Variants in DOK7 observed in about 807,000 individuals in gnomAD.
The protein encoded by DOK7 is docking protein 7.
Under a neutral mutation model 30.7 loss-of-function variants are expected in DOK7, and 32 were observed. The observed-to-expected ratio is 1.04, with a 90% CI of 0.79 to 1.40. The LOEUF is 1.40. DOK7 is among the 40% of genes most tolerant of loss of function. The probability of loss-of-function intolerance (pLI) is 0.00; values close to 1 mark genes in which losing one functional copy is unlikely to be tolerated. For missense variants in DOK7, 1,007 were observed against 699.2 expected, an observed-to-expected ratio of 1.44 and a Z score of -4.97; for synonymous variants, 447 against 324.1, an observed-to-expected ratio of 1.38 and a Z score of -4.07.
At chr4:3,481,011 G>C (rs1216144275) in intron 4 of DOK7, among the ~76,000 whole-genome samples, 1 of 152,148 alleles carries the variant, frequency 6.6e-6, no homozygotes, top group African/African-American at 2.4e-5. Flanking sequence ...GAGGGTAAGG[G>C]GTGGAGGGGG....
In DOK7 at chr4:3,489,575, C is replaced by A. The variant is rs1044858245; in HGVS notation, c.653-102C>A. 8 of 1,539,188 alleles carry A rather than the reference C, an allele frequency of 5.2e-6. No homozygotes were observed. In the African/African-American group the frequency reaches 6.9e-5, roughly 13 times the overall value. ...CGGGGACTCCCAGGGGACTGCCACTCCACAGAGGGGGATAACCACTGAGTC... is the reference window on the plus strand; with the variant it reads ...CGGGGACTCCCAGGGGACTGCCACTACACAGAGGGGGATAACCACTGAGTC... On this transcript the variant is annotated intron_variant, in intron 5 of 6. Transcript: ENST00000340083.
At position 3,473,650 on chromosome 4, in the gene DOK7, G is replaced by A. The variant is rs1344096667; in HGVS notation, c.331+14G>A. On this transcript the variant is annotated intron_variant, in intron 3 of 6. Coordinates refer to ENST00000340083, the MANE Select transcript of DOK7 (RefSeq NM_173660.5). Reference sequence around the variant, plus strand: ...CGCTCGGCGAGGGTGAGTGACGGGGGCCGGGGCCGGGCGGGGGCTCCCCGT... The same window carrying A: ...CGCTCGGCGAGGGTGAGTGACGGGGACCGGGGCCGGGCGGGGGCTCCCCGT... The A allele has an allele frequency of 2.6e-6, 4 of 1,535,866 alleles. No individual in the cohort carries two copies. Among genetic ancestry groups the A allele is most frequent in the Non-Finnish European group, 3.5e-6 (4 of 1,134,974 alleles).
At position 3,493,552 on chromosome 4, in the gene DOK7, A is replaced by C; in HGVS notation, c.*51A>C. 1.3e-6 allele frequency: 2 copies of C among 1,592,014 alleles called. No homozygotes were observed. The highest frequency in any genetic ancestry group is 1.8e-4 in the Middle Eastern group (1 of 5,694). ...GCAAAGGGGCTGAATTTGCCCCCAG[A>C]TGGCAGAGGAAGTGGCGCCAGCCTC... On this transcript the variant is annotated 3_prime_UTR_variant, in exon 7 of 7. Coordinates refer to ENST00000340083, the MANE Select transcript of DOK7 (RefSeq NM_173660.5).
At chr4:3,486,570 G>A (rs960615288) in intron 5 of DOK7, among the ~76,000 whole-genome samples, 1 of 152,206 alleles carries the variant, frequency 6.6e-6, no homozygotes, top group Non-Finnish European at 1.5e-5. Flanking sequence ...GCCCACACCA[G>A]CAAAGTCCCG....
chr4:3,482,786 C>T (rs1282629268), intron 4 of DOK7, among the ~76,000 whole-genome samples: 1 of 152,222 alleles, frequency 6.6e-6, no homozygotes, highest in African/African-American at 2.4e-5. Context: ...TATGTCTTTC[C>T]ACCCAAGGCC....
chr4:3,493,165 C>T lies in DOK7; in HGVS notation c.1179C>T (p.Val393=), dbSNP rs138797230. 112 of 1,607,232 alleles carry T rather than the reference C, an allele frequency of 7.0e-5. No homozygotes were observed. The highest frequency in any genetic ancestry group is 8.4e-5 in the Admixed American group (5 of 59,454). The stretch of plus-strand genomic sequence containing the variant: ...TGTGCACCTGCCTGCCCGGGACAGT[C>T]GAGTACCAGGTGCCCACCTCCCTGC... The part of the protein sequence containing the change: ...PSLCTCLPGT[V]EYQVPTSLRA... The change falls in exon 7 of 7, where the codon GTC becomes GTT. Residue 393 remains valine (V), a synonymous_variant. Transcript: ENST00000340083.
chr4:3,483,329 G>C (rs1311643368), intron 4 of DOK7, among the ~76,000 whole-genome samples: 3 of 150,290 alleles, frequency 2.0e-5, no homozygotes, highest in South Asian at 2.1e-4. Flanking sequence ...CAAGACCGGG[G>C]GGGGCTGGGT....
chr4:3,474,530 C>A (rs1292641368), intron 3 of DOK7, among the ~76,000 whole-genome samples: 1 of 152,080 alleles, frequency 6.6e-6, no homozygotes, highest in African/African-American at 2.4e-5. Flanking sequence ...ACTAAAAATA[C>A]AAAAATGATG....
intron 4 of DOK7, chr4:3,485,228 G>T (rs983249501): frequency 6.7e-6 from 2 of 300,666 alleles, no homozygotes; most frequent in Non-Finnish European, 1.2e-5. Flanking sequence ...TGCCCTGTCG[G>T]CTGCAGGACC....
At chr4:3,483,064 G>A (rs915459921) in intron 4 of DOK7, among the ~76,000 whole-genome samples, 1 of 149,652 alleles carries the variant, frequency 6.7e-6, no homozygotes, top group Non-Finnish European at 1.5e-5. Context: ...GTGGCCAGGG[G>A]TGTGGAGGGT....
chr4:3,485,356 C>T (rs1239825223), intron 4 of DOK7, 183 bp from the exon 5 acceptor site: 1 of 802,084 alleles, frequency 1.2e-6, no homozygotes, highest in African/African-American at 1.8e-5. Context: ...GGTGTCGGCT[C>T]TGGGCACCCG....
At chr4:3,500,577 G>A (rs1190230091) in intron 7 of DOK7, 6 of 1,507,242 alleles carry the variant, frequency 4.0e-6, no homozygotes, top group South Asian at 2.5e-5. Flanking sequence ...ATCCCCTGAG[G>A]GTGTCCCCAC....
At chr4:3,492,436 T>G (rs1171795751) in intron 6 of DOK7, among the ~76,000 whole-genome samples, 1 of 150,900 alleles carries the variant, frequency 6.6e-6, no homozygotes, top group Non-Finnish European at 1.5e-5. Flanking sequence ...GCGTGGGGTG[T>G]TAGGCAGGGA....
intron 2 of DOK7, among the ~76,000 whole-genome samples, 165 bp from the exon 3 acceptor site, chr4:3,473,241 C>G (rs765566065): frequency 1.3e-5 from 2 of 152,248 alleles, no homozygotes; most frequent in Non-Finnish European, 2.9e-5. Flanking sequence ...GGGAGGGGAT[C>G]GCCCCATTTT....
At chr4:3,491,144 CATTCCTTCCTTCCTTCT>C (rs1728376687) in intron 6 of DOK7, among the ~76,000 whole-genome samples, 2 of 112,150 alleles carry the variant, frequency 1.8e-5, no homozygotes, top group African/African-American at 7.1e-5. Context: ...CCCTTCCCCC[CATTCCTTCCTTCCTTCT>C]TCCTCCTGCT....
rs370820203 is a variant in DOK7, at chr4:3,492,187, T to C, written c.773-572T>C. ...GGCGGGAGGCAGCCTGGGATCTGCA[T>C]TGGGTGTGCTTCTCATCCCCCGCAG... On this transcript the variant is annotated intron_variant, in intron 6 of 6. Transcript: ENST00000340083. Among the ~76,000 whole-genome samples, 183 of 151,936 alleles carry C rather than the reference T, an allele frequency of 1.2e-3. 2 individuals carry two copies. The highest frequency in any genetic ancestry group is 3.7e-4 in the Non-Finnish European group (25 of 67,950).
At chr4:3,465,555 G>A (rs566925886) in intron 2 of DOK7, among the ~76,000 whole-genome samples, 4 of 152,356 alleles carry the variant, frequency 2.6e-5, no homozygotes, top group South Asian at 4.1e-4. Context: ...GAAGGGCCCC[G>A]ATGTGCACCT....
At chr4:3,497,845 G>A, downstream of DOK7, among the ~76,000 whole-genome samples, 1 of 152,138 alleles carries the variant, frequency 6.6e-6, no homozygotes, top group Non-Finnish European at 1.5e-5. Flanking sequence ...GTGTGCTGAG[G>A]CAGCCACCAG....
At chr4:3,473,256 G>C (rs2109335458) in intron 2 of DOK7, 150 bp from the exon 3 acceptor site, 1 of 699,092 alleles carries the variant, frequency 1.4e-6, no homozygotes, top group Admixed American at 2.3e-5. Flanking sequence ...CATTTTGTAT[G>C]CCGGGAGTCG....
Sources: allele counts gnomAD v4.1 joint callset (sites outside exome capture counted in the v4.1 genomes callset), GRCh38; gene constraint gnomAD v4.1.1; transcripts MANE v1.5; gene names NCBI Gene and HGNC (gene_info 2026-07-23, HGNC 2026-07-21).